PTPRD: variants seen among roughly 807,000 people sequenced by gnomAD.
The protein encoded by PTPRD is receptor-type tyrosine-protein phosphatase delta.
PTPRD carries 34 observed loss-of-function variants against 214.5 expected under a neutral mutation model. The ratio of observed to expected loss-of-function variants is 0.16; its 90% CI spans 0.12 to 0.21. The LOEUF is 0.21. PTPRD is among the 10% of genes least tolerant of loss of function. The pLI, the probability that PTPRD is intolerant of heterozygous loss-of-function variation, is 1.00. For synonymous variants in PTPRD, 1,128 were observed against 845.7 expected, an observed-to-expected ratio of 1.33 and a Z score of -5.79; for missense variants, 2,545 against 2,398.7, an observed-to-expected ratio of 1.06 and a Z score of -1.27.
At chr9:9,288,879 C>T (rs752175899) in intron 9 of PTPRD, among the ~76,000 whole-genome samples, 10 of 151,762 alleles carry the variant, frequency 6.6e-5, no homozygotes, top group Non-Finnish European at 1.3e-4. Flanking sequence ...AGGGACTTTT[C>T]CTCCTTTTGT....
intron 12 of PTPRD, among the ~76,000 whole-genome samples, chr9:8,725,944 G>C (rs373370852): frequency 6.6e-6 from 1 of 151,812 alleles, no homozygotes; most frequent in African/African-American, 2.4e-5. Flanking sequence ...TTACAGGCTG[G>C]TGTAGGCCCA....
chr9:8,726,591 ATATATATATATATATATATAT>A lies in PTPRD; in HGVS notation c.64+7168_64+7188del, dbSNP rs2098569705. ...TACTAAAAAAAAAAAAAAAAAAAATATATATATATATATATATATATATATATATATATATATATATATATA... is the reference window on the plus strand; with the variant it reads ...TACTAAAAAAAAAAAAAAAAAAAATAATATATATATATATATATATATATA... On this transcript the variant is annotated intron_variant, in intron 12 of 45. Transcript: ENST00000381196. Among the ~76,000 whole-genome samples the A allele has an allele frequency of 1.8e-3, 21 of 11,636 alleles. 5 individuals are homozygous for A. Among genetic ancestry groups the A allele is most frequent in the East Asian group, 7.1e-3 (2 of 282 alleles). 7.6% of individuals were successfully genotyped at this position (11,636 alleles called of 152,430 possible).
chr9:8,997,914 T>C (rs1278573312), intron 11 of PTPRD, among the ~76,000 whole-genome samples: 1 of 152,042 alleles, frequency 6.6e-6, no homozygotes, highest in Non-Finnish European at 1.5e-5. Context: ...GGATAGAAGA[T>C]CAAACCAGCC....
chr9:9,218,259 A>C (rs2099953559), intron 9 of PTPRD, among the ~76,000 whole-genome samples: 2 of 152,076 alleles, frequency 1.3e-5, no homozygotes, highest in Non-Finnish European at 2.9e-5. Context: ...ATATTTTTCT[A>C]ATCAAGCCTA....
rs966697195 is a variant in PTPRD at position 9,498,708 on chromosome 9, C to T, written c.-237+76024G>A. Among the ~76,000 whole-genome samples, 5 of 151,812 alleles carry T rather than the reference C, an allele frequency of 3.3e-5. No homozygotes were observed. The East Asian group carries it at 7.7e-4, about 23-fold the overall frequency. ...AGAATGATCATTCAGGAATATTTTG[C>T]CACTGACTTGAGAAATAAAATGCTG... On this transcript the variant is annotated intron_variant, in intron 8 of 45. Coordinates refer to ENST00000381196, the MANE Select transcript of PTPRD (RefSeq NM_002839.4).
rs960134604 is a variant in PTPRD at position 8,528,129 on chromosome 9, C to T, written c.541+462G>A. 7 of 293,836 alleles carry T rather than the reference C, an allele frequency of 2.4e-5. 1 individual carries two copies. The highest frequency in any genetic ancestry group is 2.2e-4 in the East Asian group (4 of 17,896). 18.2% of individuals were successfully genotyped at this position (293,836 alleles called of 1,614,324 possible). ...CAAATGTAGAAAAGATAGCAGAAAA[C>T]ATACTTTAATAAAATTGAAACATTT... On this transcript the variant is annotated intron_variant, in intron 15 of 45. Coordinates refer to ENST00000381196, the MANE Select transcript of PTPRD (RefSeq NM_002839.4).
intron 11 of PTPRD, among the ~76,000 whole-genome samples, chr9:8,756,002 T>C (rs1394299431): frequency 1.3e-5 from 2 of 152,224 alleles, no homozygotes; most frequent in Non-Finnish European, 2.9e-5. Flanking sequence ...AGTATGTGTG[T>C]AGAAGAGGAA....
chr9:10,229,229 T>C (rs1272615754), intron 3 of PTPRD, among the ~76,000 whole-genome samples: 6 of 151,906 alleles, frequency 3.9e-5, no homozygotes, highest in East Asian at 1.9e-4. Flanking sequence ...TGTGGAGAAA[T>C]AGGAACACTT....
chr9:9,758,500 A>C (rs1223564143), intron 6 of PTPRD, among the ~76,000 whole-genome samples: 1 of 152,122 alleles, frequency 6.6e-6, no homozygotes, highest in African/African-American at 2.4e-5. Context: ...AGAATCACCA[A>C]ATGATTGTGA....
chr9:8,363,096 G>C (rs564273269), intron 39 of PTPRD, among the ~76,000 whole-genome samples: 11 of 152,268 alleles, frequency 7.2e-5, no homozygotes, highest in African/African-American at 2.4e-4. Context: ...TATATCTGGA[G>C]ACCATTCGTG....
At chr9:10,139,771 C>A (rs1396315669) in intron 3 of PTPRD, among the ~76,000 whole-genome samples, 1 of 151,870 alleles carries the variant, frequency 6.6e-6, no homozygotes, top group Non-Finnish European at 1.5e-5. Flanking sequence ...GGAAAGTGAA[C>A]AAAAATAAGG....
intron 7 of PTPRD, among the ~76,000 whole-genome samples, chr9:9,696,947 A>G (rs535883695): frequency 6.6e-6 from 1 of 152,074 alleles, no homozygotes; most frequent in Non-Finnish European, 1.5e-5. Flanking sequence ...TTTCATATTT[A>G]GTGTATTCAT....
chr9:8,457,014 A>T (rs540688115), intron 33 of PTPRD, among the ~76,000 whole-genome samples: 67 of 152,230 alleles, frequency 4.4e-4, no homozygotes, highest in Non-Finnish European at 8.2e-4. Context: ...TATGTAACAG[A>T]TATACAGAAT....
intron 10 of PTPRD, among the ~76,000 whole-genome samples, chr9:9,157,844 C>G (rs1394978483): frequency 6.6e-6 from 1 of 152,174 alleles, no homozygotes; most frequent in Non-Finnish European, 1.5e-5. Context: ...CCAATATCCA[C>G]TAGCTATTCT....
chr9:8,416,743 G>C lies in PTPRD; in HGVS notation c.4087-12083C>G, dbSNP rs547045638. 7.9e-5 allele frequency among the ~76,000 whole-genome samples: 12 copies of C among 152,220 alleles called. No individual in the cohort carries two copies. The South Asian group carries it at 2.5e-3, about 32-fold the overall frequency. ...GAAATAATCAGGTTAAATTACTTCT[G>C]ATTTTGAGGATTATGATGACAATGA... On this transcript the variant is annotated intron_variant, in intron 35 of 45. Transcript: ENST00000381196.
At chr9:9,205,286 G>T (rs1036049908) in intron 9 of PTPRD, among the ~76,000 whole-genome samples, 2 of 152,084 alleles carry the variant, frequency 1.3e-5, no homozygotes, top group Admixed American at 6.6e-5. Flanking sequence ...ACTTAAACCA[G>T]TGTCTTTTGT....
At chr9:10,458,970 C>T (rs959523225) in intron 2 of PTPRD, among the ~76,000 whole-genome samples, 6 of 152,034 alleles carry the variant, frequency 3.9e-5, no homozygotes, top group African/African-American at 1.4e-4. Flanking sequence ...TACATAGTTA[C>T]ACACGTTCCG....
At position 9,457,342 on chromosome 9, in the gene PTPRD, C is replaced by A. The variant is rs527555744; in HGVS notation, c.-236-59860G>T. Among the ~76,000 whole-genome samples the A allele has an allele frequency of 2.0e-5, 3 of 152,058 alleles. No homozygotes were observed. The South Asian group carries it at 6.2e-4, about 32-fold the overall frequency. On this transcript the variant is annotated intron_variant, in intron 8 of 45. Transcript: ENST00000381196. ...CTAAACTCAGTTCTAAGATCCAAAA[C>A]CAGATTTATCAAAGTCCTCTCTTGG...
Position 9,702,016 on chromosome 9 carries a change from T to A in PTPRD, c.-287+32517A>T, listed in dbSNP as rs4742612. Among the ~76,000 whole-genome samples, 1,098 of 151,608 alleles carry A rather than the reference T, an allele frequency of 7.2e-3. 8 individuals carry two copies. Among genetic ancestry groups the A allele is most frequent in the African/African-American group, 0.025 (1,046 of 41,286 alleles). The stretch of plus-strand genomic sequence containing the variant: ...TGCCTGTATTCCCCACTACTAGGGG[T>A]AGCTGAGGCAGGGGGATTGCTTGAA... On this transcript the variant is annotated intron_variant, in intron 7 of 45. Transcript: ENST00000381196.
Sources: gnomAD v4.1 joint callset for allele counts (sites outside exome capture counted in the v4.1 genomes callset) on GRCh38, gnomAD v4.1.1 for gene constraint, MANE v1.5 for transcripts, NCBI Gene and HGNC (gene_info 2026-07-23, HGNC 2026-07-21) for gene names.